Variants in HECW2 observed in about 807,000 individuals in gnomAD.
HECW2 encodes E3 ubiquitin-protein ligase HECW2.
Under a neutral mutation model 175.2 loss-of-function variants are expected in HECW2, and 61 were observed. The observed-to-expected ratio is 0.35, with a 90% confidence interval of 0.28 to 0.43. The LOEUF (loss-of-function observed/expected upper bound fraction) is 0.43. HECW2 is among the 20% of genes least tolerant of loss of function. The pLI, the probability that HECW2 is intolerant of heterozygous loss-of-function variation, is 1.00. For synonymous variants in HECW2, 671 were observed against 731.0 expected (o/e 0.92, Z 1.32); for missense variants, 1,524 against 2,000.5 (o/e 0.76, Z 4.54).
chr2:196,538,998 G>A (rs1376153349), intron 1 of HECW2, among the ~76,000 whole-genome samples: 1 of 152,228 alleles, frequency 6.6e-6, no homozygotes, highest in Non-Finnish European at 1.5e-5. Flanking sequence ...GTGAGAAGTG[G>A]TGGTCTGAAA....
Position 196,560,233 on chromosome 2 carries a change from C to A in HECW2, c.-36+33275G>T, listed in dbSNP as rs184533289. On this transcript the variant is annotated intron_variant, in intron 1 of 28. Coordinates refer to ENST00000644978, the MANE Select transcript of HECW2 (RefSeq NM_001348768.2). Reference sequence around the variant, plus strand: ...CGATCTCGGCTCACTGCAACCTCCACCTCCCAGGTTCAAGTGATTCTCCTG... The same window carrying A: ...CGATCTCGGCTCACTGCAACCTCCAACTCCCAGGTTCAAGTGATTCTCCTG... Among the ~76,000 whole-genome samples, 255 of 152,270 alleles carry A rather than the reference C, an allele frequency of 1.7e-3. 2 individuals carry two copies. The highest frequency in any genetic ancestry group is 5.9e-3 in the African/African-American group (246 of 41,532).
chr2:196,573,080 C>A (rs150336198), intron 1 of HECW2, among the ~76,000 whole-genome samples: 2 of 151,796 alleles, frequency 1.3e-5, no homozygotes, highest in Non-Finnish European at 2.9e-5. Flanking sequence ...ATGAGAAATG[C>A]GATAATACAA....
intron 1 of HECW2, among the ~76,000 whole-genome samples, chr2:196,561,800 G>C (rs936462044): frequency 6.6e-6 from 1 of 152,188 alleles, no homozygotes; most frequent in African/African-American, 2.4e-5. Flanking sequence ...AAGAACTGAT[G>C]TCTTGGGATG....
intron 1 of HECW2, among the ~76,000 whole-genome samples, chr2:196,579,314 CAAGAT>C (rs931238688): frequency 1.3e-5 from 2 of 151,874 alleles, no homozygotes; most frequent in African/African-American, 4.8e-5. Context: ...ATATTTAACA[CAAGAT>C]AAGACAGTAA....
intron 1 of HECW2, among the ~76,000 whole-genome samples, chr2:196,480,819 A>T (rs1041733023): frequency 1.3e-5 from 2 of 152,246 alleles, no homozygotes; most frequent in African/African-American, 4.8e-5. Flanking sequence ...TGGCTAGTTA[A>T]GCAGAATGTC....
chr2:196,371,556 G>A (rs767086868), intron 2 of HECW2, among the ~76,000 whole-genome samples: 9 of 152,338 alleles, frequency 5.9e-5, no homozygotes, highest in South Asian at 4.1e-4. Flanking sequence ...TCTAGAAACT[G>A]ACTGGAAGCT....
chr2:196,519,456 G>A (rs78078700), intron 1 of HECW2, among the ~76,000 whole-genome samples: 1,752 of 152,240 alleles, frequency 0.012, 39 homozygotes, highest in African/African-American at 0.04. Flanking sequence ...TCTATGTTCT[G>A]AAGAAAATGC....
intron 1 of HECW2, among the ~76,000 whole-genome samples, chr2:196,588,794 A>G (rs1691078755): frequency 6.6e-6 from 1 of 152,214 alleles, no homozygotes; most frequent in Non-Finnish European, 1.5e-5. Context: ...TTTTCCTGGC[A>G]CAGTCTCAGT....
At chr2:196,457,085 G>A (rs1325329358) in intron 1 of HECW2, among the ~76,000 whole-genome samples, 5 of 152,232 alleles carry the variant, frequency 3.3e-5, no homozygotes, top group African/African-American at 1.2e-4. Flanking sequence ...AGAATCAACA[G>A]TGCCTAATGA....
chr2:196,278,133 A>AAAAAAAAAAAAATATATAT (rs531920307), intron 15 of HECW2, among the ~76,000 whole-genome samples: 3 of 66,552 alleles, frequency 4.5e-5, no homozygotes, highest in African/African-American at 1.2e-4. Context: ...ATAATTAAAA[A>AAAAAAAAAAAAATATATAT]ATATATATAT....
chr2:196,341,869 C>T (rs990189775), intron 3 of HECW2, among the ~76,000 whole-genome samples: 6 of 152,182 alleles, frequency 3.9e-5, no homozygotes, highest in African/African-American at 1.2e-4. Flanking sequence ...TTCAAAGTAA[C>T]AGATGTTAAC....
intron 1 of HECW2, among the ~76,000 whole-genome samples, chr2:196,540,948 T>C (rs1689191448): frequency 2.0e-5 from 3 of 152,200 alleles, no homozygotes; most frequent in African/African-American, 7.2e-5. Context: ...AACTTGTAAA[T>C]GTAGCATCTT....
At chr2:196,306,169 A>T (rs996642192) in intron 13 of HECW2, among the ~76,000 whole-genome samples, 1 of 152,202 alleles carries the variant, frequency 6.6e-6, no homozygotes, top group Admixed American at 6.5e-5. Context: ...CTATCTACAC[A>T]CAAGGAAATG....
chr2:196,321,683 A>C (rs1691948590), intron 7 of HECW2, among the ~76,000 whole-genome samples: 1 of 152,174 alleles, frequency 6.6e-6, no homozygotes, highest in South Asian at 2.1e-4. Flanking sequence ...TACAGGAATG[A>C]GCTGCCGTGC....
intron 1 of HECW2, among the ~76,000 whole-genome samples, chr2:196,467,470 T>C (rs1293221475): frequency 6.6e-6 from 1 of 152,142 alleles, no homozygotes; most frequent in Non-Finnish European, 1.5e-5. Context: ...CTTGTAATCC[T>C]GTGAAAAAGG....
At chr2:196,574,706 A>G (rs1690501279) in intron 1 of HECW2, among the ~76,000 whole-genome samples, 2 of 152,208 alleles carry the variant, frequency 1.3e-5, no homozygotes, top group South Asian at 2.1e-4. Context: ...ACCACAGAAC[A>G]CTAATAGCTA....
chr2:196,318,924 C>G lies in HECW2; in HGVS notation c.1966G>C (p.Val656Leu). ...NESVTTQLSS[V>L]DTRCSSLESA... ...TCAAGAGAGGAGCACCGTGTGTCCA[C>G]AGAGGACAGCTGCGTGGTCACACTC... Residue 656 changes from valine (V) to leucine (L), a missense_variant, in exon 9 of 29, where the codon GTG becomes CTG. This residue lies in a region of HECW2 where 604 missense variants were observed against 588.3 expected (regional missense o/e 1.03). Transcript: ENST00000644978. 6.3e-7 allele frequency: 1 copy of G among 1,596,674 alleles called. No individual in the cohort carries two copies. Among genetic ancestry groups the G allele is most frequent in the Non-Finnish European group, 8.5e-7 (1 of 1,171,660 alleles).
At chr2:196,522,958 C>T (rs1380707036) in intron 1 of HECW2, among the ~76,000 whole-genome samples, 6 of 151,998 alleles carry the variant, frequency 3.9e-5, no homozygotes, top group Admixed American at 6.6e-5. Flanking sequence ...CTTGGTGATG[C>T]GGGCTCTTTT....
At chr2:196,273,042 T>C (rs1689801088) in intron 16 of HECW2, among the ~76,000 whole-genome samples, 1 of 145,912 alleles carries the variant, frequency 6.9e-6, no homozygotes, top group African/African-American at 2.6e-5. Context: ...AATGGAGAGC[T>C]GGTCTAATTT....
Sources: gnomAD v4.1 joint callset for allele counts (sites outside exome capture counted in the v4.1 genomes callset) on GRCh38, gnomAD v4.1.1 for gene constraint, gnomAD v4.1.1 regional missense constraint, MANE v1.5 for transcripts, NCBI Gene and HGNC (gene_info 2026-07-23, HGNC 2026-07-21) for gene names.